Variants in PIP5K1A observed in about 807,000 individuals in gnomAD.
PIP5K1A encodes phosphatidylinositol 4-phosphate 5-kinase type-1 alpha.
A neutral mutation model predicts 72.9 loss-of-function variants in PIP5K1A; 46 were observed. The ratio of observed to expected loss-of-function variants is 0.63; its 90% confidence interval spans 0.50 to 0.81. The LOEUF (loss-of-function observed/expected upper bound fraction) is 0.81. PIP5K1A is among the 30% of genes least tolerant of loss of function. The probability of loss-of-function intolerance (pLI) is 0.00; values close to 1 mark genes in which losing one functional copy is unlikely to be tolerated. For synonymous variants in PIP5K1A, 228 were observed against 255.1 expected (o/e 0.89, Z 1.01); for missense variants, 458 against 706.1 (o/e 0.65, Z 3.98).
chr1:151,212,720 G>T (rs1384408714), intron 1 of PIP5K1A, among the ~76,000 whole-genome samples: 2 of 151,696 alleles, frequency 1.3e-5, no homozygotes, highest in Non-Finnish European at 2.9e-5. Context: ...GACTACAGGC[G>T]CACGCCACCA....
chr1:151,216,900 GTTTTTTTTTT>G (rs78155966), intron 1 of PIP5K1A, among the ~76,000 whole-genome samples: 6 of 136,672 alleles, frequency 4.4e-5, no homozygotes, highest in Admixed American at 3.9e-4. Flanking sequence ...CTTAGTAAAT[GTTTTTTTTTT>G]TTTTTTTTTT....
Position 151,240,004 on chromosome 1 carries a change from G to A in PIP5K1A, c.1328G>A (p.Arg443His), listed in dbSNP as rs368324834. ...GGCTTCTACGCTGAACGGTTCCAGC[G>A]CTTCATGTGCAACACAGTATTTAAG... is the stretch of plus-strand genomic sequence containing the variant. ...RPGFYAERFQRFMCNTVFKKI... is the reference protein window; with the variant it reads ...RPGFYAERFQHFMCNTVFKKI... The change falls in exon 12 of 16, where the codon CGC (arginine) becomes CAC (histidine). Residue 443 changes from arginine (R) to histidine (H), a missense_variant. Around this residue, in one of 3 missense-constraint regions of PIP5K1A, gnomAD observed 157 missense variants for 175.5 expected, o/e 0.89. Coordinates refer to ENST00000368888, the MANE Select transcript of PIP5K1A (RefSeq NM_001135638.2). 70 of 1,612,646 alleles carry A rather than the reference G, an allele frequency of 4.3e-5. No individual in the cohort carries two copies. The highest frequency in any genetic ancestry group is 2.5e-4 in the African/African-American group (19 of 74,796).
At chr1:151,223,980 A>G (rs1190629333) in intron 1 of PIP5K1A, 1 of 535,290 alleles carries the variant, frequency 1.9e-6, no homozygotes, top group African/African-American at 1.9e-5. Flanking sequence ...AAAAAAAGAA[A>G]AAGTTATATT....
At chr1:151,198,348 A>G (rs1339144338), upstream of PIP5K1A, among the ~76,000 whole-genome samples, 1 of 152,040 alleles carries the variant, frequency 6.6e-6, no homozygotes, top group Non-Finnish European at 1.5e-5. Context: ...GTCCTAGCAA[A>G]GAACTGAACC....
At chr1:151,221,953 G>A (rs1408249702) in intron 1 of PIP5K1A, among the ~76,000 whole-genome samples, 1 of 152,096 alleles carries the variant, frequency 6.6e-6, no homozygotes, top group African/African-American at 2.4e-5. Flanking sequence ...TGGGCATGGT[G>A]GTACACACCT....
intron 9 of PIP5K1A, 21 bp downstream of exon 9, chr1:151,236,784 TA>T (rs1690921407): frequency 2.0e-6 from 3 of 1,490,232 alleles, no homozygotes; most frequent in Non-Finnish European, 2.8e-6. Context: ...TCAGGGCCAC[TA>T]GGGGGGAGAA....
chr1:151,213,194 T>G (rs1687103176), intron 1 of PIP5K1A, among the ~76,000 whole-genome samples: 1 of 152,098 alleles, frequency 6.6e-6, no homozygotes, highest in African/African-American at 2.4e-5. Context: ...CGGCCTGCCT[T>G]TTTTTAAAAA....
intron 9 of PIP5K1A, among the ~76,000 whole-genome samples, chr1:151,237,362 T>C (rs1283364374): frequency 2.6e-5 from 4 of 152,240 alleles, no homozygotes; most frequent in Admixed American, 2.6e-4. Flanking sequence ...CTGCAAATTA[T>C]ATTAGAACTT....
At chr1:151,220,125 T>C (rs1688210650) in intron 1 of PIP5K1A, among the ~76,000 whole-genome samples, 1 of 150,876 alleles carries the variant, frequency 6.6e-6, no homozygotes, top group East Asian at 2.0e-4. Context: ...CCTGCCTCAG[T>C]CTCCCGAGTA....
chr1:151,229,505 G>T (rs991962919), intron 4 of PIP5K1A, among the ~76,000 whole-genome samples: 1 of 151,554 alleles, frequency 6.6e-6, no homozygotes, highest in African/African-American at 2.4e-5. Flanking sequence ...GGGATTACAG[G>T]CATGCACCAC....
intron 1 of PIP5K1A, among the ~76,000 whole-genome samples, chr1:151,212,103 C>T (rs1233896575): frequency 6.6e-6 from 1 of 151,278 alleles, no homozygotes; most frequent in Non-Finnish European, 1.5e-5. Flanking sequence ...CAGTGTGAGA[C>T]TCCGTCTCAA....
upstream of PIP5K1A, among the ~76,000 whole-genome samples, chr1:151,196,910 G>A (rs184290138): frequency 7.2e-6 from 1 of 138,166 alleles, no homozygotes; most frequent in Non-Finnish European, 1.5e-5. Flanking sequence ...GCCCAGGCTG[G>A]AGTGCAATGG....
In PIP5K1A at chr1:151,233,099, C is replaced by CAAA. The variant is rs11431839; in HGVS notation, c.639+413_639+415dup. The stretch of plus-strand genomic sequence containing the variant: ...TGGGTAACAGAGCAAGACTCCGTCT[C>CAAA]AAAAAAAAAAAAAAAAAAATGTTGT... On this transcript the variant is annotated intron_variant, in intron 7 of 15. Coordinates refer to ENST00000368888, the MANE Select transcript of PIP5K1A (RefSeq NM_001135638.2). 1.1e-3 allele frequency among the ~76,000 whole-genome samples: 122 copies of CAAA among 107,508 alleles called. 2 individuals carry two copies. Among genetic ancestry groups the CAAA allele is most frequent in the Non-Finnish European group, 1.9e-3 (103 of 55,244 alleles). 70.5% of individuals were successfully genotyped at this position (107,508 alleles called of 152,430 possible). A position where few individuals can be genotyped will look rare whatever the true frequency, so the allele number is the denominator to read the frequency against.
intron 10 of PIP5K1A, among the ~76,000 whole-genome samples, chr1:151,238,765 T>C (rs1378803243): frequency 6.6e-6 from 1 of 152,242 alleles, no homozygotes; most frequent in African/African-American, 2.4e-5. Context: ...TAATGAGGAC[T>C]GGACGGTACT....
chr1:151,231,802 G>T lies in PIP5K1A; in HGVS notation c.368+1G>T, dbSNP rs1304365164. On this transcript the variant is annotated splice_donor_variant, in intron 5 of 15. Coordinates refer to ENST00000368888, the MANE Select transcript of PIP5K1A (RefSeq NM_001135638.2). LOFTEE classifies it high-confidence loss of function. ...TGGTTGAGAGTATCTTCTTTCCCAGGTACAGAGTTTAATGTTCAGGAGCAT... is the reference window on the plus strand; with the variant it reads ...TGGTTGAGAGTATCTTCTTTCCCAGTTACAGAGTTTAATGTTCAGGAGCAT... 1.2e-6 allele frequency: 2 copies of T among 1,613,730 alleles called. No individual in the cohort carries two copies. The highest frequency in any genetic ancestry group is 2.2e-5 in the East Asian group (1 of 44,886).
rs1238280045 is a variant in PIP5K1A, at chr1:151,246,920, T to C, written c.1641T>C (p.Ser547=). 1 of 1,612,104 alleles carries C rather than the reference T, an allele frequency of 6.2e-7. No homozygotes were observed. Among genetic ancestry groups the C allele is most frequent in the Admixed American group, 1.7e-5 (1 of 59,972 alleles). ...VGETLQMLTT[S]TTLEKLEVAE... ...GCTTCCATTTTTTTTCTCCTGTTAG[T>C]ACAACCTTGGAAAAGCTTGAAGTTG... The change falls in exon 15 of 16, where the codon AGT becomes AGC. Residue 547 remains serine (S), a splice_region_variant and synonymous_variant. Coordinates refer to ENST00000368888, the MANE Select transcript of PIP5K1A (RefSeq NM_001135638.2).
chr1:151,225,653 A>G (rs1292378452), intron 3 of PIP5K1A, among the ~76,000 whole-genome samples: 1 of 150,588 alleles, frequency 6.6e-6, no homozygotes, highest in Non-Finnish European at 1.5e-5. Context: ...TATTTTTAGT[A>G]GAGGCAGGGT....
rs2102512619 is a variant in PIP5K1A at position 151,227,400 on chromosome 1, G to C, written c.237G>C (p.Lys79Asn). The C allele has an allele frequency of 6.2e-7, 1 of 1,604,640 alleles. No homozygotes were observed. Among genetic ancestry groups the C allele is most frequent in the East Asian group, 2.2e-5 (1 of 44,808 alleles). ...CCTCAGGAGAGACAACATATAAAAAGGTGTGTCTGGATGAAACCGTCTCAT... is the reference window on the plus strand; with the variant it reads ...CCTCAGGAGAGACAACATATAAAAACGTGTGTCTGGATGAAACCGTCTCAT... ...VDSSGETTYK[K>N]TTSSALKGAI... The change falls in exon 4 of 16, where the codon AAG becomes AAC. Residue 79 changes from lysine (K) to asparagine (N), a missense_variant and splice_region_variant. Coordinates refer to ENST00000368888, the MANE Select transcript of PIP5K1A (RefSeq NM_001135638.2).
In PIP5K1A at chr1:151,234,486, G is replaced by A. The variant is rs1242484794; in HGVS notation, c.929G>A (p.Arg310His). 10 of 1,613,472 alleles carry A rather than the reference G, an allele frequency of 6.2e-6. No homozygotes were observed. Among genetic ancestry groups the A allele is most frequent in the African/African-American group, 1.3e-5 (1 of 74,902 alleles). Reference sequence around the variant, plus strand: ...AACGCTCTCTGTAAGACCCTGCAGCGTGACTGTTTGGTGAGTTTGTTACTT... The same window carrying A: ...AACGCTCTCTGTAAGACCCTGCAGCATGACTGTTTGGTGAGTTTGTTACTT... Reference protein sequence around the residue: ...MYNALCKTLQRDCLVLQSFKI... With the variant: ...MYNALCKTLQHDCLVLQSFKI... The change falls in exon 8 of 16, where the codon CGT becomes CAT. Residue 310 changes from arginine to histidine, a missense_variant. Transcript: ENST00000368888.
Sources: gnomAD v4.1 joint callset for allele counts (sites outside exome capture counted in the v4.1 genomes callset) on GRCh38, gnomAD v4.1.1 for gene constraint, gnomAD v4.1.1 regional missense constraint, MANE v1.5 for transcripts, NCBI Gene and HGNC (gene_info 2026-07-23, HGNC 2026-07-21) for gene names.